NR5A2: variants seen among roughly 807,000 people sequenced by gnomAD.
The protein encoded by NR5A2 is nuclear receptor subfamily 5 group A member 2.
NR5A2 carries 26 observed loss-of-function variants against 62.7 expected under a neutral mutation model. The observed-to-expected ratio is 0.41, with a 90% confidence interval of 0.30 to 0.58. The LOEUF (loss-of-function observed/expected upper bound fraction) is 0.58. NR5A2 is among the 20% of genes least tolerant of loss of function. The pLI is 0.22. For missense variants in NR5A2, 541 were observed against 669.1 expected (o/e 0.81, Z 2.11); for synonymous variants, 246 against 241.7 (o/e 1.02, Z -0.16).
chr1:200,110,238 G>A (rs1315839402), intron 5 of NR5A2, among the ~76,000 whole-genome samples: 1 of 152,150 alleles, frequency 6.6e-6, no homozygotes, highest in Admixed American at 6.5e-5. Flanking sequence ...TTTCAATAAT[G>A]TATAGTGTAT....
intron 5 of NR5A2, among the ~76,000 whole-genome samples, chr1:200,105,694 A>G (rs998525769): frequency 2.0e-5 from 3 of 152,168 alleles, no homozygotes. Flanking sequence ...GGTCATACCC[A>G]TAGTCCCAGC....
chr1:200,076,025 C>T (rs1277410175), intron 5 of NR5A2, among the ~76,000 whole-genome samples: 1 of 151,968 alleles, frequency 6.6e-6, no homozygotes, highest in Non-Finnish European at 1.5e-5. Flanking sequence ...AAACAATTTT[C>T]GGTTGAGGGT....
rs75296076 is a variant in NR5A2 at position 200,134,478 on chromosome 1, C to T, written c.1378+13523C>T. On this transcript the variant is annotated intron_variant, in intron 7 of 7. Transcript: ENST00000367362. ...GCCTTCGATATTCAGTACAGTGACA[C>T]GCTGTATAGGTTTGTAGCCTAGGAG... Among the ~76,000 whole-genome samples, 7 of 152,304 alleles carry T rather than the reference C, an allele frequency of 4.6e-5. No homozygotes were observed. In the East Asian group the frequency reaches 9.6e-4, roughly 21 times the overall value.
At chr1:200,070,595 G>A (rs776479238) in intron 5 of NR5A2, among the ~76,000 whole-genome samples, 8 of 150,906 alleles carry the variant, frequency 5.3e-5, no homozygotes, top group South Asian at 4.2e-4. Flanking sequence ...CAGGATGATC[G>A]CTTGAGCTGA....
chr1:200,042,951 T>C, intron 2 of NR5A2: 2 of 984,742 alleles, frequency 2.0e-6, no homozygotes, highest in Non-Finnish European at 1.2e-6. Flanking sequence ...TTAACTTTAA[T>C]AGGGCGATCT....
At chr1:200,060,592 T>C (rs1663157742) in intron 5 of NR5A2, among the ~76,000 whole-genome samples, 1 of 152,198 alleles carries the variant, frequency 6.6e-6, no homozygotes, top group African/African-American at 2.4e-5. Flanking sequence ...GCTTTTCAAA[T>C]AGGTGTAAGG....
chr1:200,039,649 C>T lies in NR5A2; in HGVS notation c.65-9C>T, dbSNP rs759075355. 4 of 1,611,306 alleles carry T rather than the reference C, an allele frequency of 2.5e-6. No individual in the cohort carries two copies. The highest frequency in any genetic ancestry group is 3.4e-6 in the Non-Finnish European group (4 of 1,179,028). ...TCGCCGGAGTTGAATCTGTGCTGCCCGTGTCCAGGTGCTGGGCTTCCGGAC... is the reference window on the plus strand; with the variant it reads ...TCGCCGGAGTTGAATCTGTGCTGCCTGTGTCCAGGTGCTGGGCTTCCGGAC... On this transcript the variant is annotated splice_polypyrimidine_tract_variant and intron_variant, in intron 1 of 7. Transcript: ENST00000367362. This position sits in a 1 kb window ranked among gnomAD's most constrained non-coding sequence, Gnocchi z 5.1.
intron 1 of NR5A2, among the ~76,000 whole-genome samples, chr1:200,035,306 TTGCAAGTTTTG>T (rs1484221183): frequency 6.6e-6 from 1 of 152,134 alleles, no homozygotes; most frequent in Non-Finnish European, 1.5e-5. Context: ...GAGGAAGGTA[TTGCAAGTTTTG>T]TGCAAGTTTG....
At chr1:200,118,380 C>T (rs991635806) in intron 6 of NR5A2, among the ~76,000 whole-genome samples, 16 of 152,146 alleles carry the variant, frequency 1.1e-4, no homozygotes, top group African/African-American at 3.6e-4. Flanking sequence ...CAGCGCATTC[C>T]GTTGATTCCA....
intron 3 of NR5A2, 85 bp downstream of exon 3, chr1:200,043,977 G>A: frequency 1.2e-6 from 1 of 846,040 alleles, no homozygotes; most frequent in South Asian, 1.7e-5. Context: ...CTAAATTTAG[G>A]CTCCTTTTTT....
intron 7 of NR5A2, among the ~76,000 whole-genome samples, chr1:200,124,505 C>T (rs961760716): frequency 2.0e-5 from 3 of 152,188 alleles, no homozygotes; most frequent in Non-Finnish European, 2.9e-5. Context: ...AAAAAATGCC[C>T]TCTCAGCACA....
At chr1:200,153,396 G>A (rs1653226235) in intron 7 of NR5A2, among the ~76,000 whole-genome samples, 1 of 152,178 alleles carries the variant, frequency 6.6e-6, no homozygotes, top group African/African-American at 2.4e-5. Flanking sequence ...AGCCACATAG[G>A]AGAATGTTGG....
intron 5 of NR5A2, among the ~76,000 whole-genome samples, chr1:200,067,359 C>G (rs1469927734): frequency 1.3e-5 from 2 of 152,208 alleles, no homozygotes; most frequent in African/African-American, 4.8e-5. Context: ...GAGTTCAAGA[C>G]CAGCCTAACC....
intron 4 of NR5A2, among the ~76,000 whole-genome samples, chr1:200,047,159 G>A (rs1435974789): frequency 6.6e-6 from 1 of 152,212 alleles, no homozygotes; most frequent in Non-Finnish European, 1.5e-5. Context: ...TATGGACTTA[G>A]AGGGAACTGC....
chr1:200,027,762 A>C lies in NR5A2; in HGVS notation c.-86A>C. 1 of 944,074 alleles carries C rather than the reference A, an allele frequency of 1.1e-6. No individual in the cohort carries two copies. The highest frequency in any genetic ancestry group is 1.6e-6 in the Non-Finnish European group (1 of 608,098). The allele number at this position is 944,074 out of a possible 1,614,324, so 58.5% of individuals were successfully genotyped here. ...ACTGTAGTCTGATGTGTCCTTCCCA[A>C]GGCCACGAAATTTGACAAGCTGCAC... On this transcript the variant is annotated 5_prime_UTR_variant, in exon 1 of 8. Transcript: ENST00000367362.
At chr1:200,029,162 G>C (rs915348552) in intron 1 of NR5A2, 1 of 406,310 alleles carries the variant, frequency 2.5e-6, no homozygotes, top group Non-Finnish European at 4.9e-6. Flanking sequence ...CGCAGCTCCG[G>C]TTCCGCGTCC....
Position 200,095,494 on chromosome 1 carries a change from C to T in NR5A2, c.1111-15708C>T, listed in dbSNP as rs561277110. Among the ~76,000 whole-genome samples the T allele has an allele frequency of 5.9e-5, 9 of 152,240 alleles. No individual in the cohort carries two copies. The South Asian group carries it at 6.2e-4, about 11-fold the overall frequency. ...GAATGTTGTTAGATACTGTCTCCTA[C>T]GAATGGGTTATGATTACTACTTGGT... On this transcript the variant is annotated intron_variant, in intron 5 of 7. Coordinates refer to ENST00000367362, the MANE Select transcript of NR5A2 (RefSeq NM_205860.3).
rs775408975 is a variant in NR5A2, at chr1:200,120,885, A to G, written c.1308A>G (p.Ala436=). 1 of 1,612,368 alleles carries G rather than the reference A, an allele frequency of 6.2e-7. No homozygotes were observed. The highest frequency in any genetic ancestry group is 2.2e-5 in the East Asian group (1 of 44,800). The change falls in exon 7 of 8, where the codon GCA becomes GCG. Residue 436 remains alanine (A), a synonymous_variant. Coordinates refer to ENST00000367362, the MANE Select transcript of NR5A2 (RefSeq NM_205860.3). ...TGAGTCATGCACAGGAGTTAGTGGCAAAACTTCGTTCTCTCCAGTTTGATC... is the reference window on the plus strand; with the variant it reads ...TGAGTCATGCACAGGAGTTAGTGGCGAAACTTCGTTCTCTCCAGTTTGATC... ...NLMSHAQELV[A]KLRSLQFDQR...
At chr1:200,148,327 G>A in intron 7 of NR5A2, 1 of 171,676 alleles carries the variant, frequency 5.8e-6, no homozygotes. Context: ...TTTAGGCCAA[G>A]AAAGACGCAG....
Sources: gnomAD v4.1 joint callset for allele counts (sites outside exome capture counted in the v4.1 genomes callset) on GRCh38, gnomAD v4.1.1 for gene constraint, Gnocchi (gnomAD v3.1) non-coding constraint, MANE v1.5 for transcripts, NCBI Gene and HGNC (gene_info 2026-07-23, HGNC 2026-07-21) for gene names.